Variants in FARS2 observed in about 807,000 individuals in gnomAD.
The protein encoded by FARS2 is phenylalanine--tRNA ligase, mitochondrial.
In FARS2, 40 loss-of-function variants were observed where a neutral mutation model predicts 46.4. That is an observed-to-expected ratio of 0.86 (90% CI 0.67 to 1.12). The LOEUF is 1.12. FARS2 is among the 50% of genes most tolerant of loss of function. FARS2 has a pLI of 0.00. For synonymous variants in FARS2, 234 were observed against 214.9 expected, an observed-to-expected ratio of 1.09 and a Z score of -0.78; for missense variants, 513 against 567.9, an observed-to-expected ratio of 0.90 and a Z score of 0.98.
intron 3 of FARS2, among the ~76,000 whole-genome samples, chr6:5,406,958 A>G (rs968615079): frequency 2.0e-5 from 3 of 150,388 alleles, no homozygotes; most frequent in African/African-American, 7.3e-5. Context: ...TCAAATACAC[A>G]TTTGGCATTT....
chr6:5,272,052 A>G (rs920139314), intron 1 of FARS2, among the ~76,000 whole-genome samples: 1 of 152,164 alleles, frequency 6.6e-6, no homozygotes, highest in Non-Finnish European at 1.5e-5. Flanking sequence ...CATGTTTTAA[A>G]TGGGTGTGTT....
chr6:5,709,755 C>CGT (rs1339859233), intron 6 of FARS2, among the ~76,000 whole-genome samples: 16 of 149,526 alleles, frequency 1.1e-4, no homozygotes, highest in Admixed American at 4.0e-4. Context: ...TGCGCGCGCG[C>CGT]GTGTGTGTGT....
intron 3 of FARS2, among the ~76,000 whole-genome samples, chr6:5,425,981 A>G (rs556700440): frequency 6.6e-6 from 1 of 152,284 alleles, no homozygotes; most frequent in East Asian, 1.9e-4. Context: ...CCGCGGTTTC[A>G]CAGGAAAAAT....
chr6:5,723,590 TG>T (rs1561821780), intron 6 of FARS2, among the ~76,000 whole-genome samples: 1 of 152,240 alleles, frequency 6.6e-6, no homozygotes, highest in African/African-American at 2.4e-5. Context: ...TTCTCTCTCC[TG>T]TATACACTGC....
the FARS2 span, among the ~76,000 whole-genome samples, chr6:5,249,950 A>G: frequency 6.6e-6 from 1 of 152,220 alleles, no homozygotes; most frequent in Non-Finnish European, 1.5e-5. Flanking sequence ...TGAGTCATTA[A>G]GAGGTAATTT....
At chr6:5,315,427 T>C (rs1261383696) in intron 1 of FARS2, among the ~76,000 whole-genome samples, 1 of 152,220 alleles carries the variant, frequency 6.6e-6, no homozygotes, top group Non-Finnish European at 1.5e-5. Context: ...TTTTGGTCTG[T>C]TGACATAAAT....
chr6:5,288,941 A>G (rs776659984), intron 1 of FARS2, among the ~76,000 whole-genome samples: 1 of 152,190 alleles, frequency 6.6e-6, no homozygotes, highest in Non-Finnish European at 1.5e-5. Context: ...AGATCAAGTC[A>G]TTTATTCTAG....
intron 6 of FARS2, among the ~76,000 whole-genome samples, chr6:5,634,343 C>T (rs889768532): frequency 6.6e-6 from 1 of 152,186 alleles, no homozygotes; most frequent in African/African-American, 2.4e-5. Context: ...CGCTCTGTCA[C>T]CCAGGCTGGA....
Position 5,727,085 on chromosome 6 carries a change from G to A in FARS2, c.1218-44206G>A, listed in dbSNP as rs2150930175. On this transcript the variant is annotated intron_variant, in intron 6 of 6. Transcript: ENST00000274680. This position sits in a 1 kb window ranked among gnomAD's most constrained non-coding sequence, Gnocchi z 4.1. ...CCGTCTGTAAAGGAGCAATGCCTCT[G>A]CAGTACCTACCTTCCTCACCGGGCT... Among the ~76,000 whole-genome samples the A allele has an allele frequency of 6.6e-6, 1 of 152,370 alleles. No individual in the cohort carries two copies. The highest frequency in any genetic ancestry group is 2.1e-4 in the South Asian group (1 of 4,834).
At chr6:5,441,936 C>T (rs992302479) in intron 4 of FARS2, among the ~76,000 whole-genome samples, 3 of 152,042 alleles carry the variant, frequency 2.0e-5, no homozygotes, top group African/African-American at 4.8e-5. Context: ...CAGTCTGATA[C>T]GTTTAAAATA....
At chr6:5,723,804 G>A (rs1446860557) in intron 6 of FARS2, among the ~76,000 whole-genome samples, 1 of 152,206 alleles carries the variant, frequency 6.6e-6, no homozygotes, top group African/African-American at 2.4e-5. Flanking sequence ...AATGAAATTG[G>A]GAGGCTCCTT....
chr6:5,660,885 A>T (rs575766746), intron 6 of FARS2, among the ~76,000 whole-genome samples: 1 of 152,340 alleles, frequency 6.6e-6, no homozygotes, highest in East Asian at 1.9e-4. Context: ...CTCTTTGACC[A>T]TGTAGGGATC....
chr6:5,432,168 A>AT (rs991529803), intron 4 of FARS2, among the ~76,000 whole-genome samples: 16 of 149,036 alleles, frequency 1.1e-4, no homozygotes, highest in Non-Finnish European at 2.1e-4. Flanking sequence ...AAATACAAAA[A>AT]TTAGCTGGGT....
chr6:5,275,289 C>T (rs189996722), intron 1 of FARS2, among the ~76,000 whole-genome samples: 5 of 152,312 alleles, frequency 3.3e-5, no homozygotes, highest in Admixed American at 2.6e-4. Flanking sequence ...CATGACTACT[C>T]AGCTTAAATG....
chr6:5,385,190 G>GAC lies in FARS2; in HGVS notation c.612+16008_612+16009insAC, dbSNP rs1162914493. Among the ~76,000 whole-genome samples the GAC allele has an allele frequency of 2.6e-5, 4 of 152,168 alleles. No individual in the cohort carries two copies. The East Asian group carries it at 7.7e-4, about 29-fold the overall frequency. On this transcript the variant is annotated intron_variant, in intron 2 of 6. Transcript: ENST00000274680. ...GAAGATCCTACTTAGGGCCCAGTTG[G>GAC]TTAAAGAAATTGAAAACTGTAGAAA...
chr6:5,339,133 A>G, intron 1 of FARS2, among the ~76,000 whole-genome samples: 1 of 152,220 alleles, frequency 6.6e-6, no homozygotes, highest in Admixed American at 6.5e-5. Flanking sequence ...GGCCAAAGCC[A>G]GGACTTTGTG....
chr6:5,564,616 T>C (rs967630726), intron 5 of FARS2, among the ~76,000 whole-genome samples: 1 of 152,252 alleles, frequency 6.6e-6, no homozygotes. Context: ...GAATAAACTT[T>C]AGACTTAAAC....
At chr6:5,393,598 A>T (rs1311512822) in intron 2 of FARS2, among the ~76,000 whole-genome samples, 1 of 152,200 alleles carries the variant, frequency 6.6e-6, no homozygotes, top group African/African-American at 2.4e-5. Context: ...CGGAGGTTGC[A>T]GTGAGCTGAG....
At chr6:5,671,559 C>G (rs530177985) in intron 6 of FARS2, among the ~76,000 whole-genome samples, 1 of 152,302 alleles carries the variant, frequency 6.6e-6, no homozygotes, top group African/African-American at 2.4e-5. Flanking sequence ...TTCTCGTGCC[C>G]CATTTCCACT....
Sources: gnomAD v4.1 joint callset for allele counts (sites outside exome capture counted in the v4.1 genomes callset) on GRCh38, gnomAD v4.1.1 for gene constraint, Gnocchi (gnomAD v3.1) non-coding constraint, MANE v1.5 for transcripts, NCBI Gene and HGNC (gene_info 2026-07-23, HGNC 2026-07-21) for gene names.